HSD11B1: variants seen among roughly 807,000 people sequenced by gnomAD.
HSD11B1 encodes the protein hydroxysteroid 11-beta dehydrogenase 1.
HSD11B1 carries 15 observed loss-of-function variants against 22.1 expected under a neutral mutation model. The ratio of observed to expected loss-of-function variants is 0.68; its 90% CI spans 0.45 to 1.04. The LOEUF (loss-of-function observed/expected upper bound fraction) is 1.04, where lower values mean the gene tolerates loss of function less well. HSD11B1 is among the 50% of genes least tolerant of loss of function. The probability of loss-of-function intolerance (pLI) is 0.00; values close to 1 mark genes in which losing one functional copy is unlikely to be tolerated. For missense variants in HSD11B1, 281 were observed against 357.6 expected (o/e 0.79, Z 1.73); for synonymous variants, 122 against 125.2 (o/e 0.97, Z 0.17).
upstream of HSD11B1, among the ~76,000 whole-genome samples, chr1:209,704,159 A>C (rs1311290315): frequency 1.3e-5 from 2 of 152,084 alleles, no homozygotes; most frequent in Non-Finnish European, 2.9e-5. Flanking sequence ...CCAGTTTAAT[A>C]GTTTAGTGCC....
chr1:209,696,629 C>T lies in HSD11B1; in HGVS notation c.-48-8266C>T, dbSNP rs544828198. Among the ~76,000 whole-genome samples the T allele has an allele frequency of 7.5e-4, 114 of 152,120 alleles. 1 individual carries two copies. The highest frequency in any genetic ancestry group is 1.3e-3 in the Non-Finnish European group (90 of 67,998). On this transcript the variant is annotated intron_variant, in intron 1 of 6. Coordinates refer to the HSD11B1 transcript ENST00000261465. ...GGCCAACTCCAACATTCAAGGAATC[C>T]AGAAGAAAAGATAAGCCTATAAAGA...
At chr1:209,726,866 C>T (rs891351662) in intron 4 of HSD11B1, among the ~76,000 whole-genome samples, 4 of 152,152 alleles carry the variant, frequency 2.6e-5, no homozygotes, top group Non-Finnish European at 4.4e-5. Flanking sequence ...TATGGCTTCG[C>T]AGGATATCTT....
chr1:209,723,954 G>A (rs756355330), intron 4 of HSD11B1: 7 of 152,244 alleles, frequency 4.6e-5, no homozygotes, highest in Non-Finnish European at 1.0e-4. Flanking sequence ...TTCTTCTTGT[G>A]GTTTGGGCAG....
chr1:209,706,904 CA>C lies in HSD11B1; in HGVS notation c.332-37del, dbSNP rs769636594. 2 of 1,610,132 alleles carry C rather than the reference CA, an allele frequency of 1.2e-6. No individual in the cohort carries two copies. Among genetic ancestry groups the C allele is most frequent in the African/African-American group, 2.7e-5 (2 of 74,858 alleles). ...TTTGGGAGGAGAATGGGAAAGGTAT[CA>C]ACCCCAGATGATTTCTTAATATAGC... On this transcript the variant is annotated intron_variant, in intron 3 of 5. Coordinates refer to ENST00000367027, the MANE Select transcript of HSD11B1 (RefSeq NM_005525.4). This position sits in a 1 kb window ranked among gnomAD's most constrained non-coding sequence, Gnocchi z 4.0.
chr1:209,693,827 C>T (rs946011184), intron 1 of HSD11B1, among the ~76,000 whole-genome samples: 2 of 152,220 alleles, frequency 1.3e-5, no homozygotes, highest in Non-Finnish European at 2.9e-5. Flanking sequence ...ATTGCATTCC[C>T]TCAGGTACTT....
At chr1:209,725,054 G>A (rs536073564) in intron 4 of HSD11B1, among the ~76,000 whole-genome samples, 5 of 152,216 alleles carry the variant, frequency 3.3e-5, no homozygotes, top group African/African-American at 1.2e-4. Flanking sequence ...ACTGAAGTGA[G>A]GCTACTTAAA....
chr1:209,700,131 C>T (rs2076817694), upstream of HSD11B1, among the ~76,000 whole-genome samples: 1 of 152,224 alleles, frequency 6.6e-6, no homozygotes, highest in African/African-American at 2.4e-5. Context: ...CTTCCTCTCA[C>T]AGCTCCACTA....
intron 4 of HSD11B1, among the ~76,000 whole-genome samples, chr1:209,730,374 G>A (rs1172925959): frequency 6.6e-6 from 1 of 152,138 alleles, no homozygotes. Flanking sequence ...TCATATCTGA[G>A]GTTCCTTAGG....
rs371896771 is a variant in HSD11B1, at chr1:209,707,102, G to T, written c.491G>T (p.Ser164Ile). 6.2e-7 allele frequency: 1 copy of T among 1,613,946 alleles called. No individual in the cohort carries two copies. The highest frequency in any genetic ancestry group is 8.5e-7 in the Non-Finnish European group (1 of 1,179,988). The change falls in exon 4 of 6, where the codon AGC becomes ATC. Residue 164 changes from serine (S) to isoleucine (I), a missense_variant. Physicochemically the swap from Ser to Ile is moderately radical, Grantham distance 142. Transcript: ENST00000367027. ...CCCATGCTGAAGCAGAGCAATGGAA[G>T]CATTGTTGTCGTCTCCTCTCTGGCT... Reference protein sequence around the residue: ...ALPMLKQSNGSIVVVSSLAGK... With the variant: ...ALPMLKQSNGIIVVVSSLAGK...
At chr1:209,701,197 G>A (rs993799575), upstream of HSD11B1, among the ~76,000 whole-genome samples, 3 of 152,132 alleles carry the variant, frequency 2.0e-5, no homozygotes, top group Non-Finnish European at 2.9e-5. Flanking sequence ...AGACATACCC[G>A]AAACCAGGAT....
intron 4 of HSD11B1, among the ~76,000 whole-genome samples, chr1:209,713,337 A>AT: frequency 6.6e-6 from 1 of 152,274 alleles, no homozygotes; most frequent in Admixed American, 6.5e-5. Context: ...ACAATGAATG[A>AT]TTTTTGTTTT....
chr1:209,714,023 A>AAT (rs200984100), intron 4 of HSD11B1, among the ~76,000 whole-genome samples: 3 of 151,952 alleles, frequency 2.0e-5, no homozygotes, highest in Non-Finnish European at 4.4e-5. Context: ...TCCCAAATAT[A>AAT]CTCATTCATT....
At chr1:209,724,857 T>A (rs771913724) in intron 4 of HSD11B1, among the ~76,000 whole-genome samples, 3 of 152,210 alleles carry the variant, frequency 2.0e-5, no homozygotes, top group Non-Finnish European at 4.4e-5. Context: ...TCTCTTCATT[T>A]TTTTTCTGCT....
chr1:209,716,740 C>G (rs1022583988), intron 4 of HSD11B1, among the ~76,000 whole-genome samples: 1 of 151,996 alleles, frequency 6.6e-6, no homozygotes, highest in African/African-American at 2.4e-5. Context: ...ATAGAGAACC[C>G]AGAAATAAAC....
intron 4 of HSD11B1, 35 bp downstream of exon 4, chr1:209,707,163 G>GAA (rs58182526): frequency 2.1e-5 from 28 of 1,339,496 alleles, no homozygotes; most frequent in Middle Eastern, 1.9e-4. Context: ...GAAGGTAGAA[G>GAA]AAAAAAAAAA....
At chr1:209,732,942 AAT>A (rs1319160231) in intron 5 of HSD11B1, among the ~76,000 whole-genome samples, 3 of 152,192 alleles carry the variant, frequency 2.0e-5, no homozygotes, top group Non-Finnish European at 4.4e-5. Flanking sequence ...CCTCATGTGT[AAT>A]GCACTAAAAA....
chr1:209,733,655 A>G, intron 5 of HSD11B1, among the ~76,000 whole-genome samples: 1 of 152,220 alleles, frequency 6.6e-6, no homozygotes, highest in South Asian at 2.1e-4. Context: ...TGTTAAGTCC[A>G]AATACAAGTT....
At chr1:209,720,020 C>T (rs541101397) in intron 4 of HSD11B1, among the ~76,000 whole-genome samples, 2 of 152,240 alleles carry the variant, frequency 1.3e-5, no homozygotes, top group South Asian at 4.1e-4. Context: ...ATGGATGCAG[C>T]AAACCAACAT....
At chr1:209,709,324 C>T (rs751064251) in intron 4 of HSD11B1, among the ~76,000 whole-genome samples, 10 of 152,178 alleles carry the variant, frequency 6.6e-5, no homozygotes, top group Non-Finnish European at 1.2e-4. Flanking sequence ...TTAACAGAGA[C>T]AATACTGCTG....
Sources: gnomAD v4.1 joint callset for allele counts (sites outside exome capture counted in the v4.1 genomes callset) on GRCh38, gnomAD v4.1.1 for gene constraint, Gnocchi (gnomAD v3.1) non-coding constraint, MANE v1.5 for transcripts, NCBI Gene and HGNC (gene_info 2026-07-23, HGNC 2026-07-21) for gene names.